GRM8: variants seen among roughly 807,000 people sequenced by gnomAD.
GRM8 encodes the protein metabotropic glutamate receptor 8.
GRM8 carries 47 observed loss-of-function variants against 87.2 expected under a neutral mutation model. That is an observed-to-expected ratio of 0.54 (90% CI 0.43 to 0.69). The LOEUF is 0.69. Ranked by LOEUF, GRM8 falls within the 30% of genes least tolerant of loss-of-function variation. GRM8 has a pLI of 0.00. For missense variants in GRM8, 1,019 were observed against 1,139.2 expected, an observed-to-expected ratio of 0.89 and a Z score of 1.52; for synonymous variants, 396 against 404.5, an observed-to-expected ratio of 0.98 and a Z score of 0.25.
At chr7:127,137,850 C>T (rs1328222830) in intron 2 of GRM8, among the ~76,000 whole-genome samples, 2 of 152,128 alleles carry the variant, frequency 1.3e-5, no homozygotes, top group African/African-American at 4.8e-5. Flanking sequence ...CATTTACTGT[C>T]CTTTGTGAAA....
chr7:126,586,538 C>A (rs1277542070), intron 8 of GRM8, among the ~76,000 whole-genome samples: 1 of 152,146 alleles, frequency 6.6e-6, no homozygotes, highest in African/African-American at 2.4e-5. Context: ...ACATCTACAA[C>A]CATCTGATCT....
At chr7:126,986,569 T>G (rs1207661580) in intron 3 of GRM8, among the ~76,000 whole-genome samples, 4 of 152,226 alleles carry the variant, frequency 2.6e-5, no homozygotes, top group Non-Finnish European at 5.9e-5. Flanking sequence ...ACTTTTATAT[T>G]TGTTACTCAG....
At chr7:126,864,936 G>T (rs866675457) in intron 6 of GRM8, among the ~76,000 whole-genome samples, 1 of 152,190 alleles carries the variant, frequency 6.6e-6, no homozygotes, top group Non-Finnish European at 1.5e-5. Context: ...TGTGAGCATA[G>T]TGTAAATTCA....
At chr7:126,634,473 T>C (rs1585304556) in intron 7 of GRM8, among the ~76,000 whole-genome samples, 1 of 152,174 alleles carries the variant, frequency 6.6e-6, no homozygotes, top group Middle Eastern at 3.2e-3. Flanking sequence ...TTGTTTCCTT[T>C]GCATTTCAAA....
Position 126,913,654 on chromosome 7 carries a change from TA to T in GRM8, c.728-8972del, listed in dbSNP as rs1488655448. Among the ~76,000 whole-genome samples, 6 of 152,346 alleles carry T rather than the reference TA, an allele frequency of 3.9e-5. No individual in the cohort carries two copies. The East Asian group carries it at 9.6e-4, about 24-fold the overall frequency. On this transcript the variant is annotated intron_variant, in intron 3 of 10. Transcript: ENST00000339582. ...TTATATTTCCATCTTTCTGAAGACA[TA>T]AGTGAACTAACAATTTGACCTAAAG...
intron 3 of GRM8, among the ~76,000 whole-genome samples, chr7:126,950,783 C>T: frequency 6.6e-6 from 1 of 152,208 alleles, no homozygotes; most frequent in Non-Finnish European, 1.5e-5. Context: ...TGTTAAATAA[C>T]TTACCCAAAT....
intron 6 of GRM8, among the ~76,000 whole-genome samples, chr7:126,782,164 A>G (rs184824269): frequency 2.1e-3 from 322 of 152,306 alleles, no homozygotes; most frequent in Non-Finnish European, 3.7e-3. Context: ...TTGAGTCTTT[A>G]TTTCAGTTGA....
intron 6 of GRM8, among the ~76,000 whole-genome samples, chr7:126,788,769 T>G (rs1208636766): frequency 2.0e-5 from 3 of 149,228 alleles, no homozygotes; most frequent in African/African-American, 7.4e-5. Flanking sequence ...AGAAAGCAAT[T>G]AGAGGTAGAT....
At chr7:127,179,893 A>G (rs1015115309) in intron 2 of GRM8, among the ~76,000 whole-genome samples, 2 of 152,106 alleles carry the variant, frequency 1.3e-5, no homozygotes, top group African/African-American at 4.8e-5. Context: ...CTATATCAAA[A>G]AGATTGAAAG....
intron 7 of GRM8, among the ~76,000 whole-genome samples, chr7:126,626,359 C>T (rs1035392263): frequency 5.9e-5 from 9 of 152,048 alleles, no homozygotes; most frequent in Non-Finnish European, 1.2e-4. Context: ...TTAAATTATG[C>T]TGTTGATATT....
chr7:127,081,701 A>T (rs1158292206), intron 3 of GRM8, among the ~76,000 whole-genome samples: 1 of 152,224 alleles, frequency 6.6e-6, no homozygotes, highest in Non-Finnish European at 1.5e-5. Flanking sequence ...CAGATGAGAC[A>T]TCAGAACTGA....
intron 7 of GRM8, among the ~76,000 whole-genome samples, chr7:126,636,664 G>GT (rs920114088): frequency 5.3e-4 from 80 of 150,892 alleles, no homozygotes; most frequent in Middle Eastern, 3.4e-3. Context: ...CATACTTCTA[G>GT]TTTTTTTTTC....
chr7:127,233,938 C>T (rs1246839919), intron 2 of GRM8, among the ~76,000 whole-genome samples: 7 of 151,518 alleles, frequency 4.6e-5, no homozygotes, highest in South Asian at 2.1e-4. Context: ...GATGTGTAGA[C>T]GCAGGTTGTG....
At chr7:126,941,476 C>A (rs1264792127) in intron 3 of GRM8, among the ~76,000 whole-genome samples, 4 of 150,622 alleles carry the variant, frequency 2.7e-5, no homozygotes, top group Non-Finnish European at 5.9e-5. Flanking sequence ...AAATATTAGC[C>A]GGGAGTGGTG....
chr7:127,240,421 T>C (rs1214770577), intron 2 of GRM8, among the ~76,000 whole-genome samples: 3 of 39,474 alleles, frequency 7.6e-5, no homozygotes, highest in South Asian at 1.6e-3. Flanking sequence ...GCTGATTCTA[T>C]GGCAAAAAAA....
intron 2 of GRM8, among the ~76,000 whole-genome samples, chr7:127,186,885 TG>T (rs1314376648): frequency 1.3e-5 from 2 of 152,144 alleles, no homozygotes; most frequent in Non-Finnish European, 2.9e-5. Flanking sequence ...GGGACTGTGG[TG>T]GACATGAAAG....
chr7:126,655,067 T>C (rs1186097977), intron 7 of GRM8, among the ~76,000 whole-genome samples: 1 of 152,114 alleles, frequency 6.6e-6, no homozygotes, highest in Non-Finnish European at 1.5e-5. Flanking sequence ...AAAAAGAACA[T>C]ACATAAAATG....
At chr7:127,050,192 T>C (rs1264879256) in intron 3 of GRM8, among the ~76,000 whole-genome samples, 1 of 152,116 alleles carries the variant, frequency 6.6e-6, no homozygotes, top group African/African-American at 2.4e-5. Flanking sequence ...AGATGAGAAG[T>C]GCAGTGATCT....
intron 7 of GRM8, among the ~76,000 whole-genome samples, chr7:126,629,903 A>T (rs930578869): frequency 2.0e-5 from 3 of 152,184 alleles, no homozygotes; most frequent in Admixed American, 2.0e-4. Flanking sequence ...CTTTAGCATA[A>T]TCCTTTCAGA....
Sources: gnomAD v4.1 joint callset for allele counts (sites outside exome capture counted in the v4.1 genomes callset) on GRCh38, gnomAD v4.1.1 for gene constraint, MANE v1.5 for transcripts, NCBI Gene and HGNC (gene_info 2026-07-23, HGNC 2026-07-21) for gene names.